Variants in CCDC69 observed in about 807,000 individuals in gnomAD.
CCDC69 encodes coiled-coil domain containing 69.
A neutral mutation model predicts 40.3 loss-of-function variants in CCDC69; 38 were observed. The ratio of observed to expected loss-of-function variants is 0.94; its 90% confidence interval spans 0.73 to 1.24. CCDC69 has a LOEUF of 1.24. Ranked by LOEUF, CCDC69 falls within the 50% of genes most tolerant of loss-of-function variation. CCDC69 has a pLI of 0.00. For synonymous variants in CCDC69, 141 were observed against 138.9 expected (o/e 1.02, Z -0.11); for missense variants, 389 against 357.9 (o/e 1.09, Z -0.70).
rs894766304 is a variant in CCDC69, at chr5:151,182,773, G to A, written c.*664C>T. 50 of 335,436 alleles carry A rather than the reference G, an allele frequency of 1.5e-4. No homozygotes were observed. The highest frequency in any genetic ancestry group is 1.1e-3 in the Middle Eastern group (1 of 916). The allele number at this position is 335,436 out of a possible 1,614,324, so 20.8% of individuals were successfully genotyped here. ...CTGTCCCTTGGTGGACACGACTCTGGCCCAGGAATGATGCCTCAGCTGGGG... is the reference window on the plus strand; with the variant it reads ...CTGTCCCTTGGTGGACACGACTCTGACCCAGGAATGATGCCTCAGCTGGGG... On this transcript the variant is annotated 3_prime_UTR_variant, in exon 9 of 9. Transcript: ENST00000355417.
intron 1 of CCDC69, among the ~76,000 whole-genome samples, chr5:151,217,205 T>TA (rs1426655792): frequency 3.3e-5 from 5 of 152,146 alleles, no homozygotes; most frequent in East Asian, 1.9e-4. Context: ...TATATATCAA[T>TA]AAAAAATATA....
chr5:151,220,057 G>T lies in CCDC69; in HGVS notation c.48+3866C>A, dbSNP rs78075478. Among the ~76,000 whole-genome samples, 83 of 152,222 alleles carry T rather than the reference G, an allele frequency of 5.5e-4. 1 individual carries two copies. In the East Asian group the frequency reaches 0.014, roughly 27 times the overall value. On this transcript the variant is annotated intron_variant, in intron 1 of 8. Transcript: ENST00000355417. Reference sequence around the variant, plus strand: ...CCATGCCCCTTGACAAGACTTCAGAGATTTGAAGGAAGAGGCCAGACACTA... The same window carrying T: ...CCATGCCCCTTGACAAGACTTCAGATATTTGAAGGAAGAGGCCAGACACTA...
At position 151,224,014 on chromosome 5, in the gene CCDC69, C is replaced by T; in HGVS notation, c.-44G>A. On this transcript the variant is annotated 5_prime_UTR_variant, in exon 1 of 9. Coordinates refer to ENST00000355417, the MANE Select transcript of CCDC69 (RefSeq NM_015621.3). ...GGACGCCGCTTCCCAACTCCGGGGC[C>T]CCCAGAGGAGCCTGCGATCCGGGCC... The T allele has an allele frequency of 6.6e-7, 1 of 1,513,310 alleles. No homozygotes were observed. The allele number at this position is 1,513,310 out of a possible 1,614,324, so 93.7% of individuals were successfully genotyped here. A position where few individuals can be genotyped will look rare whatever the true frequency, so the allele number is the denominator to read the frequency against.
At chr5:151,216,378 C>T (rs1391620578) in intron 1 of CCDC69, among the ~76,000 whole-genome samples, 1 of 125,752 alleles carries the variant, frequency 8.0e-6, no homozygotes, top group Non-Finnish European at 1.9e-5. Flanking sequence ...GGGTAGCTTC[C>T]ATTTTACATT....
chr5:151,219,537 C>T (rs1357389722), intron 1 of CCDC69, among the ~76,000 whole-genome samples: 1 of 152,118 alleles, frequency 6.6e-6, no homozygotes, highest in African/African-American at 2.4e-5. Flanking sequence ...ATTAAAAAGT[C>T]CGTGTTTCCA....
intron 7 of CCDC69, chr5:151,184,995 CAT>C (rs563524975): frequency 1.3e-3 from 195 of 155,288 alleles, no homozygotes; most frequent in Middle Eastern, 3.2e-3. Flanking sequence ...TAAACATTCT[CAT>C]GTGGCAAAAT....
Position 151,181,568 on chromosome 5 carries a change from T to C in CCDC69, c.*1869A>G, listed in dbSNP as rs192194725. 6.6e-6 allele frequency: 1 copy of C among 152,268 alleles called. No homozygotes were observed. Among genetic ancestry groups the C allele is most frequent in the African/African-American group, 2.4e-5 (1 of 41,496 alleles). The allele number at this position is 152,268 out of a possible 1,614,324, so 9.4% of individuals were successfully genotyped here. A position where few individuals can be genotyped will look rare whatever the true frequency, so the allele number is the denominator to read the frequency against. On this transcript the variant is annotated 3_prime_UTR_variant, in exon 9 of 9. Transcript: ENST00000355417. Reference sequence around the variant, plus strand: ...TCTGCAGCCTGATGTGCCTGTGAGGTGAGAGGTGTGGGAGGGACAGAAGCT... The same window carrying C: ...TCTGCAGCCTGATGTGCCTGTGAGGCGAGAGGTGTGGGAGGGACAGAAGCT...
intron 3 of CCDC69, among the ~76,000 whole-genome samples, chr5:151,200,488 T>C (rs1199877495): frequency 6.6e-6 from 1 of 152,226 alleles, no homozygotes. Context: ...ACCCTGAACA[T>C]ATTTCATATT....
intron 1 of CCDC69, chr5:151,215,590 C>T: frequency 2.5e-6 from 1 of 392,650 alleles, no homozygotes; most frequent in Non-Finnish European, 5.4e-6. Flanking sequence ...GGGTCCCTTG[C>T]TCAGGAGGCC....
intron 2 of CCDC69, among the ~76,000 whole-genome samples, chr5:151,203,685 T>C (rs1752808800): frequency 7.3e-6 from 1 of 136,260 alleles, no homozygotes; most frequent in African/African-American, 2.8e-5. Context: ...GTATATATAA[T>C]AAAATATATA....
intron 1 of CCDC69, among the ~76,000 whole-genome samples, chr5:151,222,198 C>T (rs1472946509): frequency 6.6e-6 from 1 of 152,234 alleles, no homozygotes; most frequent in Non-Finnish European, 1.5e-5. Context: ...TAGGCCTTAA[C>T]CTCCTATCTG....
intron 2 of CCDC69, among the ~76,000 whole-genome samples, chr5:151,202,374 A>ATAC (rs1752787869): frequency 6.6e-6 from 1 of 152,102 alleles, no homozygotes; most frequent in South Asian, 2.1e-4. Flanking sequence ...AATAATAATA[A>ATAC]TAATTTAAAA....
chr5:151,211,518 C>CTTTTTTTTT (rs774546814), intron 1 of CCDC69, among the ~76,000 whole-genome samples: 6 of 108,736 alleles, frequency 5.5e-5, no homozygotes, highest in African/African-American at 8.0e-5. Context: ...TTTGCATCTG[C>CTTTTTTTTT]TTTTTTTTTT....
chr5:151,192,427 G>A (rs763395754), intron 4 of CCDC69, among the ~76,000 whole-genome samples: 1 of 143,998 alleles, frequency 6.9e-6, no homozygotes, highest in Non-Finnish European at 1.5e-5. Flanking sequence ...CAACAACTTA[G>A]ATGAATGTAA....
intron 1 of CCDC69, among the ~76,000 whole-genome samples, chr5:151,206,209 C>T (rs759145766): frequency 2.6e-5 from 4 of 152,036 alleles, no homozygotes; most frequent in Non-Finnish European, 2.9e-5. Context: ...AAGGATAGTA[C>T]GAAGGATGCA....
At chr5:151,204,954 C>T (rs961274597) in intron 2 of CCDC69, among the ~76,000 whole-genome samples, 1 of 152,078 alleles carries the variant, frequency 6.6e-6, no homozygotes, top group African/African-American at 2.4e-5. Flanking sequence ...ACAAATGATC[C>T]TGTCACCCAG....
chr5:151,189,045 C>T (rs888431695), intron 4 of CCDC69, among the ~76,000 whole-genome samples: 4 of 152,132 alleles, frequency 2.6e-5, no homozygotes, highest in Non-Finnish European at 5.9e-5. Flanking sequence ...CAAAATCACT[C>T]AGCCTAAAAA....
intron 2 of CCDC69, among the ~76,000 whole-genome samples, chr5:151,204,923 G>C (rs960448513): frequency 6.6e-6 from 1 of 151,840 alleles, no homozygotes; most frequent in Non-Finnish European, 1.5e-5. Flanking sequence ...TGGGTATATT[G>C]GGTGATGCTG....
intron 4 of CCDC69, among the ~76,000 whole-genome samples, chr5:151,189,779 A>G (rs1448370946): frequency 6.6e-6 from 1 of 152,228 alleles, no homozygotes; most frequent in Non-Finnish European, 1.5e-5. Flanking sequence ...CAGCTTGAAT[A>G]ACTGTGTGTT....
Sources: gnomAD v4.1 joint callset for allele counts (sites outside exome capture counted in the v4.1 genomes callset) on GRCh38, gnomAD v4.1.1 for gene constraint, MANE v1.5 for transcripts, NCBI Gene and HGNC (gene_info 2026-07-23, HGNC 2026-07-21) for gene names.